C5: variants seen among roughly 807,000 people sequenced by gnomAD.
C5 encodes C3 and PZP-like alpha-2-macroglobulin domain-containing protein 4.
Under a neutral mutation model 218.8 loss-of-function variants are expected in C5, and 140 were observed. That is an observed-to-expected ratio of 0.64 (90% CI 0.56 to 0.74). The LOEUF (loss-of-function observed/expected upper bound fraction) is 0.74. C5 is among the 30% of genes least tolerant of loss of function. C5 has a pLI of 0.00. For synonymous variants in C5, 614 were observed against 682.3 expected (o/e 0.90, Z 1.56); for missense variants, 1,700 against 1,969.6 (o/e 0.86, Z 2.59).
Position 121,037,902 on chromosome 9 carries a change from T to A in C5, c.471A>T (p.Arg157Ser), listed in dbSNP as rs776071022. ...SLNDDLKPAK[R>S]ETVLTFIDPE... The stretch of plus-strand genomic sequence containing the variant: ...TTACTATGAAAGTTAAGACAGTTTC[T>A]CTTTTGGCTGGCTTCAAGTCGTCAT... The change falls in exon 4 of 41, where the codon AGA becomes AGT. Residue 157 changes from arginine to serine, a missense_variant. Physicochemically the swap from Arg to Ser is moderately radical, Grantham distance 110. Transcript: ENST00000223642. 14 of 1,515,028 alleles carry A rather than the reference T, an allele frequency of 9.2e-6. No homozygotes were observed. The highest frequency in any genetic ancestry group is 1.3e-5 in the Non-Finnish European group (14 of 1,103,796). 93.8% of individuals were successfully genotyped at this position (1,515,028 alleles called of 1,614,324 possible).
intron 23 of C5, 136 bp from the exon 24 acceptor site, chr9:120,989,916 G>T (rs2047064213): frequency 1.4e-6 from 1 of 692,806 alleles, no homozygotes; most frequent in Non-Finnish European, 2.5e-6. Context: ...CTCAGAAACG[G>T]GGTGAGAAAA....
At chr9:121,060,236 G>C in the C5 span, among the ~76,000 whole-genome samples, 1 of 152,064 alleles carries the variant, frequency 6.6e-6, no homozygotes, top group African/African-American at 2.4e-5. Context: ...GCCACCTGCT[G>C]GTATTAACTT....
At chr9:120,990,979 T>A (rs367749521) in intron 23 of C5, among the ~76,000 whole-genome samples, 1 of 152,186 alleles carries the variant, frequency 6.6e-6, no homozygotes, top group African/African-American at 2.4e-5. Flanking sequence ...GGAGAATGCA[T>A]CTCCATGTAA....
Position 120,997,551 on chromosome 9 carries a change from A to G in C5, c.2786T>C (p.Val929Ala). The change falls in exon 21 of 41, where the codon GTG becomes GCG. Residue 929 changes from valine (V) to alanine (A), a missense_variant. Transcript: ENST00000223642. The part of the protein sequence containing the change: ...GKEILVKTLR[V>A]VPEGVKRESY... ...ATTGAAGCATGTTTTTCTTACCACC[A>G]CTCGTAATGTTTTTACTAAGATTTC... 3 of 1,608,286 alleles carry G rather than the reference A, an allele frequency of 1.9e-6. No individual in the cohort carries two copies. The highest frequency in any genetic ancestry group is 2.6e-6 in the Non-Finnish European group (3 of 1,175,232).
chr9:121,002,764 C>T (rs1344280594), intron 20 of C5, among the ~76,000 whole-genome samples: 1 of 152,018 alleles, frequency 6.6e-6, no homozygotes, highest in East Asian at 1.9e-4. Flanking sequence ...ATTCTGTCTG[C>T]AGAAAAGCTA....
chr9:121,052,454 A>G (rs949796028), upstream of C5, among the ~76,000 whole-genome samples: 24 of 110,930 alleles, frequency 2.2e-4, 1 homozygote, highest in Admixed American at 1.5e-3. Context: ...TCCATCTCAG[A>G]AAAAAAAAAA....
chr9:120,962,366 T>C (rs1383432301), intron 36 of C5, among the ~76,000 whole-genome samples: 2 of 149,826 alleles, frequency 1.3e-5, no homozygotes, highest in Admixed American at 1.3e-4. Flanking sequence ...AGAGATATGA[T>C]TTATCTGTGA....
chr9:121,016,172 A>G, intron 15 of C5, 82 bp downstream of exon 15: 1 of 1,543,422 alleles, frequency 6.5e-7, no homozygotes, highest in Non-Finnish European at 8.9e-7. Context: ...GGTACAGAAT[A>G]TTTGGGAAGA....
chr9:121,002,278 A>G (rs1036486833), intron 20 of C5, among the ~76,000 whole-genome samples: 82 of 123,612 alleles, frequency 6.6e-4, no homozygotes, highest in Middle Eastern at 3.9e-3. Context: ...ATATGTATAT[A>G]TACGTATATA....
the C5 span, among the ~76,000 whole-genome samples, chr9:121,072,851 T>G: frequency 2.7e-5 from 4 of 148,850 alleles, no homozygotes; most frequent in African/African-American, 9.9e-5. Context: ...AAAAAATGAA[T>G]GTAATCTCCT....
chr9:121,062,707 G>A, the C5 span, among the ~76,000 whole-genome samples: 2 of 152,130 alleles, frequency 1.3e-5, no homozygotes, highest in Non-Finnish European at 2.9e-5. Context: ...AAATTCTTAT[G>A]TTGAATCTTA....
At position 121,013,990 on chromosome 9, in the gene C5, G is replaced by T; in HGVS notation, c.2140C>A (p.Arg714=). ...GGCCCTAAACTAATCCGTGCAGCTC[G>T]CTGCTCACAGGTTTCATCATTATTA... is the stretch of plus-strand genomic sequence containing the variant. ...CVNNDETCEQ[R]AARISLGPRC... Residue 714 remains arginine, a synonymous_variant, in exon 17 of 41, where the codon CGA becomes AGA. Transcript: ENST00000223642. The T allele has an allele frequency of 6.2e-7, 1 of 1,614,124 alleles. No individual in the cohort carries two copies. The highest frequency in any genetic ancestry group is 8.5e-7 in the Non-Finnish European group (1 of 1,180,002).
In C5 at chr9:121,032,098, CT is replaced by C. The variant is rs751449611; in HGVS notation, c.667+14del. ...AACAAAAAGCAAAGAAAAACTTTTA[CT>C]TGTCAGAAATTACCATATTCTTTAA... On this transcript the variant is annotated intron_variant, in intron 6 of 40. Coordinates refer to ENST00000223642, the MANE Select transcript of C5 (RefSeq NM_001735.3). 13 of 1,512,362 alleles carry C rather than the reference CT, an allele frequency of 8.6e-6. No homozygotes were observed. In the Admixed American group the frequency reaches 2.2e-4, roughly 25 times the overall value. 93.7% of individuals were successfully genotyped at this position (1,512,362 alleles called of 1,614,324 possible). A position where few individuals can be genotyped will look rare whatever the true frequency, so the allele number is the denominator to read the frequency against.
In C5 at chr9:120,953,879, T is replaced by A. The variant is rs41313635; in HGVS notation, c.4763-11A>T. On this transcript the variant is annotated splice_polypyrimidine_tract_variant and intron_variant, in intron 39 of 40. Transcript: ENST00000223642. ...CAGCAACAGCTTCCCCTGAGAGACA[T>A]GCAAGTCAAGTAAGGTTATACCATT... 17 of 1,613,658 alleles carry A rather than the reference T, an allele frequency of 1.1e-5. No individual in the cohort carries two copies. Among genetic ancestry groups the A allele is most frequent in the Non-Finnish European group, 1.4e-5 (17 of 1,179,664 alleles).
At chr9:121,052,427 G>A (rs1390254764), upstream of C5, among the ~76,000 whole-genome samples, 1 of 139,666 alleles carries the variant, frequency 7.2e-6, no homozygotes, top group Non-Finnish European at 1.5e-5. Context: ...ACTCCAGCCT[G>A]AGCAACAGAG....
chr9:120,952,766 G>T lies in C5; in HGVS notation c.5004C>A (p.Ala1668=). Residue 1668 remains alanine, a synonymous_variant, in exon 41 of 41, where the codon GCC becomes GCA. Transcript: ENST00000223642. ...AGCATCCATTTAAAAAGATATCTTC[G>T]GCAAATTCATCTAAATTAGCTAAAA... ...QAFLANLDEF[A]EDIFLNGC 6.2e-7 allele frequency: 1 copy of T among 1,613,456 alleles called. No individual in the cohort carries two copies. Among genetic ancestry groups the T allele is most frequent in the Non-Finnish European group, 8.5e-7 (1 of 1,179,748 alleles).
the C5 span, chr9:121,074,806 C>T: frequency 2.2e-6 from 1 of 455,576 alleles, no homozygotes; most frequent in Non-Finnish European, 4.4e-6. Flanking sequence ...CCCGCGCGGC[C>T]GGAAGCCTCG....
chr9:120,964,369 T>C (rs950929928), intron 33 of C5, among the ~76,000 whole-genome samples: 15 of 152,112 alleles, frequency 9.9e-5, no homozygotes, highest in Admixed American at 9.8e-4. Context: ...TAATCCTAAC[T>C]ACAGGAGAAT....
intron 20 of C5, among the ~76,000 whole-genome samples, chr9:121,001,613 G>A (rs2131729416): frequency 6.6e-6 from 1 of 152,140 alleles, no homozygotes; most frequent in Non-Finnish European, 1.5e-5. Context: ...ACATTTTTGA[G>A]CTTTAATCAA....
Sources: allele counts gnomAD v4.1 joint callset (sites outside exome capture counted in the v4.1 genomes callset), GRCh38; gene constraint gnomAD v4.1.1; transcripts MANE v1.5; gene names NCBI Gene and HGNC (gene_info 2026-07-23, HGNC 2026-07-21).